Variants in DGLUCY observed in about 807,000 individuals in gnomAD.
DGLUCY encodes D-glutamate cyclase, mitochondrial.
DGLUCY carries 58 observed loss-of-function variants against 58.5 expected under a neutral mutation model. That is an observed-to-expected ratio of 0.99 (90% CI 0.80 to 1.23). The LOEUF (loss-of-function observed/expected upper bound fraction) is 1.23, where lower values mean the gene tolerates loss of function less well. Ranked by LOEUF, DGLUCY falls within the 50% of genes most tolerant of loss-of-function variation. The probability of loss-of-function intolerance (pLI) is 0.00; values close to 1 mark genes in which losing one functional copy is unlikely to be tolerated. For missense variants in DGLUCY, 779 were observed against 784.7 expected, an observed-to-expected ratio of 0.99 and a Z score of 0.09; for synonymous variants, 325 against 314.1, an observed-to-expected ratio of 1.03 and a Z score of -0.37.
chr14:91,078,070 C>G (rs1595615260), intron 1 of DGLUCY, among the ~76,000 whole-genome samples: 2 of 152,192 alleles, frequency 1.3e-5, no homozygotes, highest in Admixed American at 1.3e-4. Context: ...GCTCTGTCGC[C>G]CAGGCTGGAG....
intron 5 of DGLUCY, 82 bp from the exon 6 acceptor site, chr14:91,173,207 G>T: frequency 6.7e-7 from 1 of 1,498,914 alleles, no homozygotes; most frequent in South Asian, 1.2e-5. Context: ...TAGCTGCCTT[G>T]AACTCTTGGT....
At chr14:91,083,145 A>G (rs1422130807) in intron 1 of DGLUCY, among the ~76,000 whole-genome samples, 1 of 152,230 alleles carries the variant, frequency 6.6e-6, no homozygotes, top group Non-Finnish European at 1.5e-5. Flanking sequence ...TAGTGCAGGG[A>G]AAAGAGCCAC....
At chr14:91,205,839 CTTCT>C (rs1254789465) in intron 12 of DGLUCY, among the ~76,000 whole-genome samples, 2 of 79,764 alleles carry the variant, frequency 2.5e-5, no homozygotes, top group Non-Finnish European at 4.8e-5. Flanking sequence ...CTTTCTTCTT[CTTCT>C]TTTTTTTTTT....
chr14:91,109,379 A>G (rs1486794489), upstream of DGLUCY, among the ~76,000 whole-genome samples: 2 of 152,098 alleles, frequency 1.3e-5, no homozygotes, highest in Non-Finnish European at 1.5e-5. Context: ...CTTTCAAGAA[A>G]GGTAGTGAGG....
At chr14:91,149,944 G>A (rs189160066) in intron 1 of DGLUCY, among the ~76,000 whole-genome samples, 11 of 152,234 alleles carry the variant, frequency 7.2e-5, no homozygotes, top group Admixed American at 6.5e-5. Context: ...GTTTGGGCTG[G>A]GTGCGGTGGC....
intron 1 of DGLUCY, among the ~76,000 whole-genome samples, chr14:91,151,418 T>C (rs969790928): frequency 5.9e-5 from 9 of 151,836 alleles, no homozygotes; most frequent in African/African-American, 2.2e-4. Context: ...TTTTTTTTAT[T>C]ATTTAGTAGA....
chr14:91,071,729 G>T (rs951747637), intron 1 of DGLUCY, among the ~76,000 whole-genome samples: 3 of 151,982 alleles, frequency 2.0e-5, no homozygotes, highest in Non-Finnish European at 2.9e-5. Context: ...TTAGTTGGGC[G>T]TGGTGGTGGG....
chr14:91,197,762 G>A (rs1462968722), intron 10 of DGLUCY, among the ~76,000 whole-genome samples: 1 of 152,198 alleles, frequency 6.6e-6, no homozygotes, highest in Non-Finnish European at 1.5e-5. Context: ...TCCCTTGTGT[G>A]TATAGACCAC....
At chr14:91,097,395 CA>C (rs1029755832) in intron 1 of DGLUCY, among the ~76,000 whole-genome samples, 3 of 149,798 alleles carry the variant, frequency 2.0e-5, no homozygotes, top group Admixed American at 6.6e-5. Flanking sequence ...GACACTGTCT[CA>C]AAAAAAACAA....
intron 5 of DGLUCY, 81 bp downstream of exon 5, chr14:91,170,282 A>G: frequency 6.9e-7 from 1 of 1,457,134 alleles, no homozygotes; most frequent in Non-Finnish European, 9.3e-7. Flanking sequence ...GGTGGGGAGA[A>G]CATGGGCACG....
intron 8 of DGLUCY, among the ~76,000 whole-genome samples, chr14:91,184,656 G>A (rs2049391218): frequency 8.6e-6 from 1 of 116,020 alleles, no homozygotes; most frequent in African/African-American, 3.4e-5. Context: ...AGGGAGGGAG[G>A]GAAGGAGGGA....
intron 10 of DGLUCY, 139 bp downstream of exon 10, chr14:91,196,613 A>C: frequency 1.5e-6 from 1 of 675,492 alleles, no homozygotes; most frequent in East Asian, 2.8e-5. Context: ...GTTCTCATGG[A>C]CCAGACTAAC....
intron 1 of DGLUCY, among the ~76,000 whole-genome samples, chr14:91,074,134 C>CAT (rs2043973540): frequency 2.2e-5 from 3 of 135,746 alleles, no homozygotes; most frequent in Admixed American, 1.5e-4. Context: ...CACACACACA[C>CAT]ACACACACAC....
chr14:91,165,740 T>C (rs888661643), intron 3 of DGLUCY, among the ~76,000 whole-genome samples: 1 of 152,222 alleles, frequency 6.6e-6, no homozygotes, highest in Non-Finnish European at 1.5e-5. Context: ...ATATGAAGTA[T>C]TGGAGATGCT....
chr14:91,086,405 G>T (rs149044077), intron 1 of DGLUCY, among the ~76,000 whole-genome samples: 96 of 152,258 alleles, frequency 6.3e-4, no homozygotes, highest in African/African-American at 2.2e-3. Context: ...TGCCTTACAA[G>T]ATATGGTGTA....
At chr14:91,196,592 A>G in intron 10 of DGLUCY, 118 bp downstream of exon 10, 1 of 796,394 alleles carries the variant, frequency 1.3e-6, no homozygotes, top group Non-Finnish European at 2.1e-6. Context: ...GCCATGAGCC[A>G]AGGAAGATGG....
chr14:91,074,160 C>CACACATACACACACACACACAT, intron 1 of DGLUCY, among the ~76,000 whole-genome samples: 1 of 136,196 alleles, frequency 7.3e-6, no homozygotes, highest in African/African-American at 3.0e-5. Context: ...CACACACACA[C>CACACATACACACACACACACAT]AGTCAAGCAC....
chr14:91,088,404 A>G (rs1173620851), intron 1 of DGLUCY, among the ~76,000 whole-genome samples: 7 of 152,126 alleles, frequency 4.6e-5, no homozygotes, highest in Admixed American at 3.9e-4. Flanking sequence ...GTCTTCCATG[A>G]TAAGTTCCAC....
intron 1 of DGLUCY, among the ~76,000 whole-genome samples, chr14:91,091,568 T>C (rs775633079): frequency 1.3e-4 from 20 of 152,202 alleles, no homozygotes; most frequent in Non-Finnish European, 2.5e-4. Flanking sequence ...TGTCCATTTG[T>C]CTGTTCTCAG....
Sources: gnomAD v4.1 joint callset for allele counts (sites outside exome capture counted in the v4.1 genomes callset) on GRCh38, gnomAD v4.1.1 for gene constraint, MANE v1.5 for transcripts, NCBI Gene and HGNC (gene_info 2026-07-23, HGNC 2026-07-21) for gene names.